GIGYF2: variants seen among roughly 807,000 people sequenced by gnomAD.
The protein encoded by GIGYF2 is GRB10-interacting GYF protein 2.
A neutral mutation model predicts 208.1 loss-of-function variants in GIGYF2; 25 were observed. That is an observed-to-expected ratio of 0.12 (90% CI 0.09 to 0.17). The LOEUF (loss-of-function observed/expected upper bound fraction) is 0.17. Among genes scored for constraint, GIGYF2 ranks in the 10% least tolerant of loss-of-function variants. GIGYF2 has a pLI of 1.00. For synonymous variants in GIGYF2, 534 were observed against 543.8 expected, an observed-to-expected ratio of 0.98 and a Z score of 0.25; for missense variants, 1,302 against 1,579.4, an observed-to-expected ratio of 0.82 and a Z score of 2.98.
chr2:232,723,842 C>T (rs1697059288), intron 2 of GIGYF2, among the ~76,000 whole-genome samples: 1 of 148,026 alleles, frequency 6.8e-6, no homozygotes, highest in South Asian at 2.2e-4. Flanking sequence ...AAGTGATTCT[C>T]CTGCCTCAGC....
intron 8 of GIGYF2, among the ~76,000 whole-genome samples, chr2:232,771,701 C>T (rs902883847): frequency 5.9e-5 from 9 of 152,052 alleles, no homozygotes; most frequent in African/African-American, 1.2e-4. Context: ...TGCACAAGTC[C>T]GGGTGTCAAG....
chr2:232,832,886 A>G lies in GIGYF2; in HGVS notation c.2559A>G (p.Glu853=), dbSNP rs1332038143. 2.6e-6 allele frequency: 4 copies of G among 1,557,678 alleles called. No individual in the cohort carries two copies. The highest frequency in any genetic ancestry group is 1.9e-5 in the Admixed American group (1 of 51,960). ...QEEEAAKWAR[E]EEEAQRRLEE... is the part of the protein sequence containing the mutation. ...AGGAGGCTGCAAAATGGGCCCGGGAAGAAGAAGAAGCCCAGCGTCGATTAG... is the reference window on the plus strand; with the variant it reads ...AGGAGGCTGCAAAATGGGCCCGGGAGGAAGAAGAAGCCCAGCGTCGATTAG... The change falls in exon 22 of 29, where the codon GAA becomes GAG. Residue 853 remains glutamate (E), a synonymous_variant. Transcript: ENST00000373563.
intron 2 of GIGYF2, among the ~76,000 whole-genome samples, chr2:232,725,765 T>C (rs556050758): frequency 6.6e-6 from 1 of 152,360 alleles, no homozygotes; most frequent in Non-Finnish European, 1.5e-5. Flanking sequence ...GCAGGAGTTA[T>C]CGTATTCCTT....
Position 232,811,232 on chromosome 2 carries a change from T to A in GIGYF2, c.1899-12T>A. 1 of 1,474,886 alleles carries A rather than the reference T, an allele frequency of 6.8e-7. No individual in the cohort carries two copies. Among genetic ancestry groups the A allele is most frequent in the South Asian group, 1.1e-5 (1 of 88,380 alleles). The allele number at this position is 1,474,886 out of a possible 1,614,324, so 91.4% of individuals were successfully genotyped here. ...GATTGACAGGTTATACTTTTTTTTTTACTTTTTGAAGACAACAATATGCAC... is the reference window on the plus strand; with the variant it reads ...GATTGACAGGTTATACTTTTTTTTTAACTTTTTGAAGACAACAATATGCAC... On this transcript the variant is annotated splice_polypyrimidine_tract_variant and intron_variant, in intron 16 of 28. Transcript: ENST00000373563.
intron 28 of GIGYF2, among the ~76,000 whole-genome samples, chr2:232,854,900 CTA>C (rs1690493002): frequency 6.6e-6 from 1 of 152,064 alleles, no homozygotes; most frequent in South Asian, 2.1e-4. Flanking sequence ...ATTCAAATAA[CTA>C]AAACAGTTTG....
chr2:232,816,804 G>T (rs1700927886), intron 19 of GIGYF2, 67 bp from the exon 20 acceptor site: 10 of 1,182,700 alleles, frequency 8.5e-6, no homozygotes, highest in Middle Eastern at 2.0e-4. Flanking sequence ...AATACTACTG[G>T]TCAGTGCTTT....
chr2:232,784,589 A>G lies in GIGYF2; in HGVS notation c.533-2561A>G, dbSNP rs370461274. On this transcript the variant is annotated intron_variant, in intron 8 of 28. Coordinates refer to ENST00000373563, the MANE Select transcript of GIGYF2 (RefSeq NM_001103146.3). ...CTATTTTTAGTAGAGATGGGGTTTC[A>G]TCGTGTTAGCTTGATCTGACCTCGT... Among the ~76,000 whole-genome samples, 23 of 126,224 alleles carry G rather than the reference A, an allele frequency of 1.8e-4. 1 individual carries two copies. The highest frequency in any genetic ancestry group is 6.7e-4 in the African/African-American group (23 of 34,576). 82.8% of individuals were successfully genotyped at this position (126,224 alleles called of 152,430 possible). A position where few individuals can be genotyped will look rare whatever the true frequency, so the allele number is the denominator to read the frequency against.
intron 21 of GIGYF2, among the ~76,000 whole-genome samples, chr2:232,828,093 G>A (rs1004879103): frequency 6.6e-6 from 1 of 151,986 alleles, no homozygotes; most frequent in Admixed American, 6.6e-5. Context: ...GGGCTCAGGT[G>A]ATCCTCTCAC....
intron 18 of GIGYF2, among the ~76,000 whole-genome samples, chr2:232,813,037 T>C (rs1300730050): frequency 1.3e-5 from 2 of 151,610 alleles, no homozygotes; most frequent in East Asian, 3.9e-4. Context: ...TAACAAACAC[T>C]GTAGGTACCC....
chr2:232,840,695 A>T (rs1314439825), intron 23 of GIGYF2, among the ~76,000 whole-genome samples: 1 of 152,230 alleles, frequency 6.6e-6, no homozygotes, highest in East Asian at 1.9e-4. Context: ...TGAGAGGTTG[A>T]TAAGTGTCAG....
chr2:232,800,903 A>G (rs527983041), intron 14 of GIGYF2, among the ~76,000 whole-genome samples: 5 of 150,664 alleles, frequency 3.3e-5, no homozygotes, highest in Admixed American at 6.6e-5. Flanking sequence ...TTTGAGACAG[A>G]GCCTTGCTCT....
At chr2:232,730,604 T>TAAAA (rs35629015) in intron 2 of GIGYF2, among the ~76,000 whole-genome samples, 3 of 113,162 alleles carry the variant, frequency 2.7e-5, no homozygotes, top group African/African-American at 1.0e-4. Context: ...GACTCAGTCT[T>TAAAA]AAAAAAAAAA....
chr2:232,817,932 A>T (rs901180553), intron 20 of GIGYF2, among the ~76,000 whole-genome samples: 1 of 152,156 alleles, frequency 6.6e-6, no homozygotes, highest in Non-Finnish European at 1.5e-5. Context: ...GAATTTTTTG[A>T]AGAACTGCCG....
chr2:232,729,966 T>C (rs1697382096), intron 2 of GIGYF2: 3 of 724,116 alleles, frequency 4.1e-6, no homozygotes, highest in South Asian at 1.5e-5. Flanking sequence ...AGGACCATAC[T>C]TGACCAAAGC....
At chr2:232,817,267 A>G (rs1250733304) in intron 20 of GIGYF2, among the ~76,000 whole-genome samples, 1 of 152,232 alleles carries the variant, frequency 6.6e-6, no homozygotes, top group African/African-American at 2.4e-5. Context: ...CTAGAGTTTT[A>G]TAAACCAGTT....
At chr2:232,764,832 GT>G (rs1273273265) in intron 8 of GIGYF2, among the ~76,000 whole-genome samples, 2 of 152,284 alleles carry the variant, frequency 1.3e-5, no homozygotes, top group East Asian at 3.9e-4. Flanking sequence ...GAATAGTCAA[GT>G]TTAGTCGTTG....
chr2:232,770,867 TG>T (rs1412961298), intron 8 of GIGYF2: 4 of 1,486,932 alleles, frequency 2.7e-6, no homozygotes, highest in East Asian at 4.5e-5. Context: ...GTTTTGTTTT[TG>T]TTTTTGTTTT....
At chr2:232,706,967 T>A (rs10185971) in intron 2 of GIGYF2, among the ~76,000 whole-genome samples, 27 of 147,802 alleles carry the variant, frequency 1.8e-4, no homozygotes, top group African/African-American at 6.3e-4. Context: ...AAAAAAAAAA[T>A]TTTTTTTTTC....
Position 232,840,663 on chromosome 2 carries a change from GA to G in GIGYF2, c.2889+696del, listed in dbSNP as rs1701788162. Among the ~76,000 whole-genome samples, 13 of 152,278 alleles carry G rather than the reference GA, an allele frequency of 8.5e-5. No individual in the cohort carries two copies. In the South Asian group the frequency reaches 2.7e-3, roughly 32 times the overall value. On this transcript the variant is annotated intron_variant, in intron 23 of 28. Transcript: ENST00000373563. The stretch of plus-strand genomic sequence containing the variant: ...GAAGCTGACCCTCTGATTGAGAAGA[GA>G]AAAGTAGAAAATGAAGCGTATGAGA...
Sources: allele counts gnomAD v4.1 joint callset (sites outside exome capture counted in the v4.1 genomes callset), GRCh38; gene constraint gnomAD v4.1.1; transcripts MANE v1.5; gene names NCBI Gene and HGNC (gene_info 2026-07-23, HGNC 2026-07-21).